Variants in WDR72 observed in about 807,000 individuals in gnomAD.
WDR72 encodes the protein WD repeat-containing protein 72.
In WDR72, 120 loss-of-function variants were observed where a neutral mutation model predicts 124.2. That is an observed-to-expected ratio of 0.97 (90% CI 0.83 to 1.12). The LOEUF (loss-of-function observed/expected upper bound fraction) is 1.12, where lower values mean the gene tolerates loss of function less well. WDR72 is among the 50% of genes most tolerant of loss of function. The pLI, the probability that WDR72 is intolerant of heterozygous loss-of-function variation, is 0.00. For missense variants in WDR72, 1,387 were observed against 1,278.8 expected, an observed-to-expected ratio of 1.08 and a Z score of -1.29; for synonymous variants, 452 against 441.7, an observed-to-expected ratio of 1.02 and a Z score of -0.29.
At chr15:53,593,305 C>G (rs1421962716) in intron 18 of WDR72, among the ~76,000 whole-genome samples, 1 of 151,964 alleles carries the variant, frequency 6.6e-6, no homozygotes, top group East Asian at 2.0e-4. Context: ...CAAATTTCTT[C>G]CACGTTGCAA....
rs760574408 is a variant in WDR72, at chr15:53,699,855, G to C, written c.1660C>G (p.Arg554Gly). The C allele has an allele frequency of 4.3e-6, 7 of 1,614,068 alleles. No individual in the cohort carries two copies. The highest frequency in any genetic ancestry group is 1.1e-5 in the South Asian group (1 of 91,076). The part of the protein sequence containing the change: ...LEGKSCLLHA[R>G]KHLFPVRMIK... ...ATCCTCACAGGAAAAAGGTGCTTCC[G>C]GGCATGCAGGAGGCAACTCTTTCCC... Residue 554 changes from arginine (R) to glycine (G), a missense_variant, in exon 13 of 20, where the codon CGG (arginine) becomes GGG (glycine). Coordinates refer to ENST00000360509, the MANE Select transcript of WDR72 (RefSeq NM_182758.4).
chr15:53,587,921 C>T (rs149773711), intron 18 of WDR72, among the ~76,000 whole-genome samples: 21 of 152,102 alleles, frequency 1.4e-4, no homozygotes, highest in Non-Finnish European at 2.1e-4. Flanking sequence ...GTAGCTTATT[C>T]TCAGGGGGTT....
intron 14 of WDR72, among the ~76,000 whole-genome samples, chr15:53,635,930 A>C (rs2014606334): frequency 6.6e-6 from 1 of 152,136 alleles, no homozygotes; most frequent in Non-Finnish European, 1.5e-5. Context: ...GACAGCCTAG[A>C]AACCAAGTAC....
rs571948968 is a variant in WDR72 at position 53,586,222 on chromosome 15, T to C, written c.3148+10857A>G. ...AACAGACCAGACTGGTTATTGCCTA[T>C]TCTGGTCCAGAGATACTAAGAGATA... On this transcript the variant is annotated intron_variant, in intron 18 of 19. Transcript: ENST00000360509. Among the ~76,000 whole-genome samples the C allele has an allele frequency of 5.1e-4, 78 of 152,142 alleles. 3 individuals are homozygous for C. In the South Asian group the frequency reaches 0.016, roughly 31 times the overall value.
At chr15:53,562,228 G>A (rs772802352) in intron 18 of WDR72, among the ~76,000 whole-genome samples, 9 of 151,746 alleles carry the variant, frequency 5.9e-5, no homozygotes, top group Non-Finnish European at 1.3e-4. Context: ...TGACTACAGA[G>A]TTTACATTCT....
At chr15:53,698,856 G>A (rs1361480744) in intron 13 of WDR72, among the ~76,000 whole-genome samples, 1 of 152,094 alleles carries the variant, frequency 6.6e-6, no homozygotes, top group African/African-American at 2.4e-5. Flanking sequence ...AGAATCTGAT[G>A]GGAAAATGAG....
At chr15:53,646,325 T>C (rs2015040371) in intron 14 of WDR72, among the ~76,000 whole-genome samples, 1 of 152,128 alleles carries the variant, frequency 6.6e-6, no homozygotes, top group African/African-American at 2.4e-5. Flanking sequence ...CCGTAACTCA[T>C]ATTCTCTTAT....
chr15:53,518,768 A>G (rs1353776827), intron 19 of WDR72, among the ~76,000 whole-genome samples: 4 of 151,986 alleles, frequency 2.6e-5, no homozygotes, highest in African/African-American at 9.7e-5. Context: ...AGAAAAAGAA[A>G]AAAAAAAAAC....
chr15:53,618,046 T>C (rs1051016206), intron 14 of WDR72, among the ~76,000 whole-genome samples: 9 of 151,972 alleles, frequency 5.9e-5, no homozygotes, highest in Admixed American at 4.6e-4. Context: ...TTTCTATACG[T>C]GTTATACATT....
chr15:53,705,818 A>G (rs998207876), intron 10 of WDR72, 109 bp downstream of exon 10: 34 of 1,326,520 alleles, frequency 2.6e-5, no homozygotes, highest in Non-Finnish European at 3.5e-5. Context: ...AGTAGTACAC[A>G]ATAAATTTTT....
chr15:53,670,899 G>A (rs1373058694), intron 13 of WDR72, among the ~76,000 whole-genome samples: 1 of 152,136 alleles, frequency 6.6e-6, no homozygotes, highest in Non-Finnish European at 1.5e-5. Context: ...ACCTAGGCCT[G>A]AGGTCACTGG....
rs1157903255 is a variant in WDR72 at position 53,517,616 on chromosome 15, A to G, written c.*83T>C. 1 of 1,426,790 alleles carries G rather than the reference A, an allele frequency of 7.0e-7. No homozygotes were observed. The highest frequency in any genetic ancestry group is 2.3e-5 in the East Asian group (1 of 43,734). The allele number at this position is 1,426,790 out of a possible 1,614,324, so 88.4% of individuals were successfully genotyped here. ...CCTAATAACTTGACCAATAACAACA[A>G]TGCTTTTATACAGTAATAAACAAAT... On this transcript the variant is annotated 3_prime_UTR_variant, in exon 20 of 20. Coordinates refer to ENST00000360509, the MANE Select transcript of WDR72 (RefSeq NM_182758.4).
chr15:53,597,441 C>T (rs2012831845), intron 17 of WDR72, among the ~76,000 whole-genome samples, 167 bp from the exon 18 acceptor site: 1 of 152,096 alleles, frequency 6.6e-6, no homozygotes, highest in Non-Finnish European at 1.5e-5. Context: ...TGGGTAGCAA[C>T]AACTGGCACC....
chr15:53,699,863 A>C lies in WDR72; in HGVS notation c.1652T>G (p.Leu551Arg), dbSNP rs780632607. The C allele has an allele frequency of 6.2e-7, 1 of 1,614,174 alleles. No homozygotes were observed. Among genetic ancestry groups the C allele is most frequent in the South Asian group, 1.1e-5 (1 of 91,082 alleles). Reference sequence around the variant, plus strand: ...AGGAAAAAGGTGCTTCCGGGCATGCAGGAGGCAACTCTTTCCCTCAAGGTG... The same window carrying C: ...AGGAAAAAGGTGCTTCCGGGCATGCCGGAGGCAACTCTTTCCCTCAAGGTG... ...LLHLEGKSCL[L>R]HARKHLFPVR... The change falls in exon 13 of 20, where the codon CTG becomes CGG. Residue 551 changes from leucine to arginine, a missense_variant. Coordinates refer to ENST00000360509, the MANE Select transcript of WDR72 (RefSeq NM_182758.4).
intron 13 of WDR72, among the ~76,000 whole-genome samples, chr15:53,686,147 A>AATCC (rs2016614847): frequency 6.8e-6 from 1 of 146,548 alleles, no homozygotes; most frequent in South Asian, 2.3e-4. Context: ...ACGAAACTGC[A>AATCC]TCAACTAATG....
intron 13 of WDR72, among the ~76,000 whole-genome samples, chr15:53,676,211 T>C (rs532696277): frequency 2.6e-5 from 4 of 152,260 alleles, no homozygotes; most frequent in East Asian, 1.9e-4. Flanking sequence ...ACTAATGTAA[T>C]AGGAAGACTT....
chr15:53,657,906 G>C (rs1252110711), intron 14 of WDR72, among the ~76,000 whole-genome samples: 1 of 152,118 alleles, frequency 6.6e-6, no homozygotes, highest in Non-Finnish European at 1.5e-5. Flanking sequence ...ATTTTCAGTT[G>C]CTATCTCAGC....
intron 14 of WDR72, among the ~76,000 whole-genome samples, chr15:53,629,215 A>AGT (rs2140391311): frequency 1.5e-5 from 2 of 132,940 alleles, no homozygotes; most frequent in South Asian, 4.9e-4. Context: ...AGAGAGAGTG[A>AGT]GAGAGAGAGA....
chr15:53,599,192 A>C (rs1308597648), intron 17 of WDR72, among the ~76,000 whole-genome samples: 1 of 152,164 alleles, frequency 6.6e-6, no homozygotes, highest in Non-Finnish European at 1.5e-5. Flanking sequence ...ACTGCTATAT[A>C]TATATCACAA....
Sources: gnomAD v4.1 joint callset for allele counts (sites outside exome capture counted in the v4.1 genomes callset) on GRCh38, gnomAD v4.1.1 for gene constraint, MANE v1.5 for transcripts, NCBI Gene and HGNC (gene_info 2026-07-23, HGNC 2026-07-21) for gene names.